ZNF84: variants seen among roughly 807,000 people sequenced by gnomAD.
ZNF84 encodes the protein zinc finger protein HPF2.
In ZNF84, 12 loss-of-function variants were observed where a neutral mutation model predicts 14.8. The observed-to-expected ratio is 0.81, with a 90% CI of 0.52 to 1.31. ZNF84 has a LOEUF of 1.31. Among genes scored for constraint, ZNF84 ranks in the 50% most tolerant of loss-of-function variants. The probability of loss-of-function intolerance (pLI) is 0.00; values close to 1 mark genes in which losing one functional copy is unlikely to be tolerated. For missense variants in ZNF84, 859 were observed against 878.6 expected (o/e 0.98, Z 0.28); for synonymous variants, 347 against 291.1 (o/e 1.19, Z -1.96).
chr12:133,057,477 C>G lies in ZNF84; in HGVS notation c.762C>G (p.His254Gln), dbSNP rs1593713766. 3 of 1,614,196 alleles carry G rather than the reference C, an allele frequency of 1.9e-6. No homozygotes were observed. The highest frequency in any genetic ancestry group is 4.5e-5 in the East Asian group (2 of 44,888). ...FPQKSQFITH[H>Q]RTHTGEKPYN... ...AGAAGTCTCAGTTTATTACACATCA[C>G]AGAACTCATACAGGAGAAAAACCTT... The change falls in exon 5 of 5, where the codon CAC becomes CAG. Residue 254 changes from histidine (H) to glutamine (Q), a missense_variant. By Grantham distance (24) the His-to-Gln change is conservative (BLOSUM62 0). Coordinates refer to ENST00000539354, the MANE Select transcript of ZNF84 (RefSeq NM_001289971.2).
In ZNF84 at chr12:133,048,795, AAGG is replaced by A; in HGVS notation, c.188_190del (p.Gly63del). 2 of 1,613,874 alleles carry A rather than the reference AAGG, an allele frequency of 1.2e-6. No individual in the cohort carries two copies. Among genetic ancestry groups the A allele is most frequent in the Non-Finnish European group, 1.7e-6 (2 of 1,179,898 alleles). The stretch of plus-strand genomic sequence containing the variant: ...CCAGATGTCATCTTCAAATTGGAGC[AAGG>A]AGAAGAGCCGTGGGTAGGAGATGGA... On this transcript the variant is annotated inframe_deletion, in exon 4 of 5. Coordinates refer to ENST00000539354, the MANE Select transcript of ZNF84 (RefSeq NM_001289971.2).
chr12:133,038,197 T>C (rs1010227544), intron 1 of ZNF84, among the ~76,000 whole-genome samples: 6 of 152,234 alleles, frequency 3.9e-5, no homozygotes, highest in South Asian at 2.1e-4. Flanking sequence ...GTTTATTTTC[T>C]TTCAAATATT....
chr12:133,058,625 G>C lies in ZNF84; in HGVS notation c.1910G>C (p.Arg637Thr). The change falls in exon 5 of 5, where the codon AGG (arginine) becomes ACG (threonine). Residue 637 changes from arginine (R) to threonine (T), a missense_variant. Transcript: ENST00000539354. ...YECNECRKAF[R>T]EKSSLINHQR... ...TGCAATGAATGTAGAAAAGCCTTCAGGGAGAAGTCAAGTCTCATCAATCAT... is the reference window on the plus strand; with the variant it reads ...TGCAATGAATGTAGAAAAGCCTTCACGGAGAAGTCAAGTCTCATCAATCAT... The C allele has an allele frequency of 6.2e-7, 1 of 1,614,152 alleles. No homozygotes were observed. Among genetic ancestry groups the C allele is most frequent in the East Asian group, 2.2e-5 (1 of 44,878 alleles).
At chr12:133,041,512 C>G in intron 2 of ZNF84, 30 bp downstream of exon 2, 1 of 1,611,110 alleles carries the variant, frequency 6.2e-7, no homozygotes. Flanking sequence ...CTTATTTTTT[C>G]CCAGGGAATT....
intron 2 of ZNF84, among the ~76,000 whole-genome samples, chr12:133,046,986 T>TAA (rs34888485): frequency 7.5e-5 from 11 of 146,686 alleles, no homozygotes; most frequent in South Asian, 4.2e-4. Context: ...TATATATATA[T>TAA]AATACAGGTC....
rs1954175879 is a variant in ZNF84 at position 133,057,268 on chromosome 12, T to C, written c.553T>C (p.Tyr185His). 1.2e-6 allele frequency: 2 copies of C among 1,613,646 alleles called. No homozygotes were observed. Among genetic ancestry groups the C allele is most frequent in the African/African-American group, 2.7e-5 (2 of 74,870 alleles). ...TWLKYYDCDK[Y>H]KESYKKSQII... Reference sequence around the variant, plus strand: ...GTTAAAATACTATGACTGTGATAAATATAAAGAGAGCTATAAAAAGTCACA... The same window carrying C: ...GTTAAAATACTATGACTGTGATAAACATAAAGAGAGCTATAAAAAGTCACA... Residue 185 changes from tyrosine (Y) to histidine (H), a missense_variant, in exon 5 of 5, where the codon TAT (tyrosine) becomes CAT (histidine). Transcript: ENST00000539354.
chr12:133,047,514 T>G (rs1326025946), intron 2 of ZNF84: 2 of 153,732 alleles, frequency 1.3e-5, no homozygotes, highest in East Asian at 3.8e-4. Context: ...CACCTCATTT[T>G]TTTCCTTTAA....
rs1024807874 is a variant in ZNF84, at chr12:133,059,016, A to G, written c.*84A>G. 5 of 1,345,150 alleles carry G rather than the reference A, an allele frequency of 3.7e-6. No individual in the cohort carries two copies. The highest frequency in any genetic ancestry group is 2.9e-5 in the African/African-American group (2 of 68,520). 83.3% of individuals were successfully genotyped at this position (1,345,150 alleles called of 1,614,324 possible). ...GATAACGTTTGTAGACAGTCACGTC[A>G]TGTTAGGTGTTTGTACTCCATGAGG... On this transcript the variant is annotated 3_prime_UTR_variant, in exon 5 of 5. Transcript: ENST00000539354.
chr12:133,052,218 A>G (rs1385341844), intron 4 of ZNF84, among the ~76,000 whole-genome samples: 1 of 152,088 alleles, frequency 6.6e-6, no homozygotes, highest in Non-Finnish European at 1.5e-5. Context: ...TACCACCATG[A>G]TCTTTTTCTG....
intron 1 of ZNF84, among the ~76,000 whole-genome samples, chr12:133,039,951 C>A (rs1953857757): frequency 6.6e-6 from 1 of 151,394 alleles, no homozygotes; most frequent in South Asian, 2.1e-4. Context: ...TCAAGCAACT[C>A]TTCTGCCTCA....
rs1178501770 is a variant in ZNF84, at chr12:133,049,637, G to T, written c.238+789G>T. 3.3e-5 allele frequency among the ~76,000 whole-genome samples: 5 copies of T among 152,016 alleles called. No individual in the cohort carries two copies. In the East Asian group the frequency reaches 9.7e-4, roughly 29 times the overall value. ...TGGGACTACAGGCACATGCCACCAT[G>T]CCCGGCTAATTTTTTTTGTATTTTT... On this transcript the variant is annotated intron_variant, in intron 4 of 4. Transcript: ENST00000539354.
At position 133,060,542 on chromosome 12, in the gene ZNF84, C is replaced by T. The variant is rs1288950198; in HGVS notation, c.*1610C>T. On this transcript the variant is annotated 3_prime_UTR_variant, in exon 5 of 5. Transcript: ENST00000539354. Reference sequence around the variant, plus strand: ...AACATTCTCAGAACACATTCTAATGCATCATCTATTTTATAAAAAGGTGTT... The same window carrying T: ...AACATTCTCAGAACACATTCTAATGTATCATCTATTTTATAAAAAGGTGTT... 2.0e-5 allele frequency: 3 copies of T among 152,288 alleles called. No homozygotes were observed. Among genetic ancestry groups the T allele is most frequent in the East Asian group, 1.9e-4 (1 of 5,184 alleles). The allele number at this position is 152,288 out of a possible 1,614,324, so 9.4% of individuals were successfully genotyped here.
At chr12:133,049,818 A>G (rs914131703) in intron 4 of ZNF84, among the ~76,000 whole-genome samples, 1 of 151,770 alleles carries the variant, frequency 6.6e-6, no homozygotes, top group East Asian at 1.9e-4. Context: ...TTGTTTAAAA[A>G]TTTTTTTTCT....
chr12:133,041,235 T>C (rs1953881677), intron 1 of ZNF84, 43 bp from the exon 2 acceptor site: 2 of 499,272 alleles, frequency 4.0e-6, no homozygotes, highest in South Asian at 3.7e-5. Context: ...AGAGATTTCA[T>C]GTGCAATGTG....
At chr12:133,046,933 A>G (rs1487988575) in intron 2 of ZNF84, among the ~76,000 whole-genome samples, 3 of 142,404 alleles carry the variant, frequency 2.1e-5, no homozygotes, top group African/African-American at 7.6e-5. Flanking sequence ...TATTTTTAAT[A>G]TAATATTTAT....
At position 133,062,969 on chromosome 12, in the gene ZNF84, T is replaced by C. The variant is rs1277934138; in HGVS notation, c.*4037T>C. The C allele has an allele frequency of 7.9e-6, 5 of 631,324 alleles. No homozygotes were observed. The East Asian group carries it at 1.1e-4, about 14-fold the overall frequency. The allele number at this position is 631,324 out of a possible 1,614,324, so 39.1% of individuals were successfully genotyped here. On this transcript the variant is annotated 3_prime_UTR_variant, in exon 5 of 5. Coordinates refer to ENST00000539354, the MANE Select transcript of ZNF84 (RefSeq NM_001289971.2). ...ACGTGTGTTTCTCACTGTGATAATA[T>C]AATCATTGCATGTTTTATCTTTCCC...
chr12:133,050,680 C>T (rs1954054762), intron 4 of ZNF84: 2 of 396,686 alleles, frequency 5.0e-6, no homozygotes, highest in Non-Finnish European at 8.9e-6. Context: ...AATTCTTAAT[C>T]CTTTCCATAG....
At chr12:133,048,113 A>G in intron 3 of ZNF84, 32 bp downstream of exon 3, 1 of 1,584,430 alleles carries the variant, frequency 6.3e-7, no homozygotes, top group Non-Finnish European at 8.6e-7. Flanking sequence ...ACCTTGGACT[A>G]TGCCCAATGC....
Position 133,058,548 on chromosome 12 carries a change from G to T in ZNF84, c.1833G>T (p.Lys611Asn), listed in dbSNP as rs1954202754. 13 of 1,613,798 alleles carry T rather than the reference G, an allele frequency of 8.1e-6. No homozygotes were observed. Among genetic ancestry groups the T allele is most frequent in the Admixed American group, 5.0e-5 (3 of 59,956 alleles). Residue 611 changes from lysine (K) to asparagine (N), a missense_variant, in exon 5 of 5, where the codon AAG becomes AAT. Transcript: ENST00000539354. ...TTTGTAGGAAAGCTTTTTTTGAGAA[G>T]TCGGAGCTAATTAGACATCTGAGAA... ...CSLCRKAFFE[K>N]SELIRHLRTH... is the part of the protein sequence containing the mutation.
Sources: gnomAD v4.1 joint callset for allele counts (sites outside exome capture counted in the v4.1 genomes callset) on GRCh38, gnomAD v4.1.1 for gene constraint, MANE v1.5 for transcripts, NCBI Gene and HGNC (gene_info 2026-07-23, HGNC 2026-07-21) for gene names.